NLN: variants seen among roughly 807,000 people sequenced by gnomAD.
The protein encoded by NLN is neurolysin, mitochondrial.
NLN carries 64 observed loss-of-function variants against 79.9 expected under a neutral mutation model. The ratio of observed to expected loss-of-function variants is 0.80; its 90% CI spans 0.65 to 0.99. The LOEUF (loss-of-function observed/expected upper bound fraction) is 0.99, where lower values mean the gene tolerates loss of function less well. Ranked by LOEUF, NLN falls within the 50% of genes least tolerant of loss-of-function variation. The pLI is 0.00. For synonymous variants in NLN, 267 were observed against 296.6 expected, an observed-to-expected ratio of 0.90 and a Z score of 1.02; for missense variants, 835 against 858.7, an observed-to-expected ratio of 0.97 and a Z score of 0.34.
intron 3 of NLN, among the ~76,000 whole-genome samples, chr5:65,775,712 C>G (rs1461723752): frequency 6.6e-6 from 1 of 152,136 alleles, no homozygotes; most frequent in Non-Finnish European, 1.5e-5. Flanking sequence ...GGGAACCAGC[C>G]CATAGCCCAG....
intron 8 of NLN, among the ~76,000 whole-genome samples, chr5:65,789,797 C>T (rs12658444): frequency 0.058 from 8,759 of 152,240 alleles, 428 homozygotes; most frequent in African/African-American, 0.13. Flanking sequence ...ATTAGATAAT[C>T]TGTCTGCCAA....
intron 1 of NLN, among the ~76,000 whole-genome samples, chr5:65,745,752 C>G (rs1758962708): frequency 6.6e-6 from 1 of 152,092 alleles, no homozygotes; most frequent in African/African-American, 2.4e-5. Context: ...GAACTTGATC[C>G]TGAAGTCACT....
At chr5:65,765,922 T>G (rs1021400594) in intron 3 of NLN, among the ~76,000 whole-genome samples, 7 of 152,230 alleles carry the variant, frequency 4.6e-5, no homozygotes, top group Non-Finnish European at 1.0e-4. Flanking sequence ...ATTTTCCACT[T>G]AAAATTAATA....
In NLN at chr5:65,811,099, GCGTGTTTA is replaced by G. The variant is rs201684651; in HGVS notation, c.1843+935_1843+942del. The stretch of plus-strand genomic sequence containing the variant: ...TGAGATTTATGGGACTCATGCATGG[GCGTGTTTA>G]TATTTGTATGTGTATGTTTTAAGCC... On this transcript the variant is annotated intron_variant, in intron 11 of 12. Coordinates refer to ENST00000380985, the MANE Select transcript of NLN (RefSeq NM_020726.5). Among the ~76,000 whole-genome samples the G allele has an allele frequency of 4.6e-4, 70 of 152,286 alleles. 1 individual carries two copies. In the East Asian group the frequency reaches 0.013, roughly 28 times the overall value.
intron 12 of NLN, among the ~76,000 whole-genome samples, chr5:65,821,770 C>A (rs559999250): frequency 7.0e-4 from 106 of 151,918 alleles, no homozygotes; most frequent in Non-Finnish European, 1.3e-3. Flanking sequence ...AAAGGTAACC[C>A]CAAAAGTTTG....
intron 1 of NLN, among the ~76,000 whole-genome samples, chr5:65,757,344 A>G (rs1221458972): frequency 6.6e-6 from 1 of 152,212 alleles, no homozygotes; most frequent in African/African-American, 2.4e-5. Flanking sequence ...TTCTGGATCC[A>G]TACTGCCTAG....
At chr5:65,806,092 A>G (rs1760404874) in intron 9 of NLN, among the ~76,000 whole-genome samples, 1 of 152,220 alleles carries the variant, frequency 6.6e-6, no homozygotes, top group African/African-American at 2.4e-5. Flanking sequence ...TCAAAAAAAA[A>G]AGATTCCTTT....
At position 65,763,150 on chromosome 5, in the gene NLN, A is replaced by G. The variant is rs755353787; in HGVS notation, c.450+42A>G. ...ATCCCTTTAAAGAGGGAAAAACTCT[A>G]CAACAAAAAAGAACATTCAGTCATA... On this transcript the variant is annotated intron_variant, in intron 3 of 12. Coordinates refer to ENST00000380985, the MANE Select transcript of NLN (RefSeq NM_020726.5). 4 of 1,545,706 alleles carry G rather than the reference A, an allele frequency of 2.6e-6. No individual in the cohort carries two copies. The Admixed American group carries it at 7.3e-5, about 28-fold the overall frequency.
chr5:65,772,344 A>C (rs749650483), intron 3 of NLN, among the ~76,000 whole-genome samples: 10 of 152,198 alleles, frequency 6.6e-5, no homozygotes, highest in Non-Finnish European at 1.0e-4. Flanking sequence ...GTAAATGTAA[A>C]TGTGTGTTGA....
intron 6 of NLN, among the ~76,000 whole-genome samples, chr5:65,782,616 C>T (rs1046781259): frequency 3.9e-5 from 6 of 152,296 alleles, no homozygotes; most frequent in South Asian, 4.1e-4. Context: ...TTCAGTAACT[C>T]GGAGTGACAG....
intron 9 of NLN, among the ~76,000 whole-genome samples, chr5:65,802,902 C>T (rs138650665): frequency 2.6e-5 from 4 of 152,104 alleles, no homozygotes; most frequent in African/African-American, 9.6e-5. Context: ...GTTTGTCCCA[C>T]CATCTTTTCA....
chr5:65,738,529 C>T (rs922853663), intron 1 of NLN, among the ~76,000 whole-genome samples: 12 of 151,914 alleles, frequency 7.9e-5, no homozygotes, highest in African/African-American at 1.7e-4. Context: ...GCCGTGATTG[C>T]GCCACTGCAC....
At chr5:65,747,902 G>A (rs1023545241) in intron 1 of NLN, among the ~76,000 whole-genome samples, 2 of 151,852 alleles carry the variant, frequency 1.3e-5, no homozygotes, top group Non-Finnish European at 2.9e-5. Flanking sequence ...AGTGGAGCCT[G>A]CCAAAGTACA....
intron 3 of NLN, among the ~76,000 whole-genome samples, chr5:65,763,986 T>C (rs1409322333): frequency 1.3e-5 from 2 of 152,184 alleles, no homozygotes; most frequent in Non-Finnish European, 2.9e-5. Flanking sequence ...AAAATAACTT[T>C]ATGATTATTC....
intron 1 of NLN, among the ~76,000 whole-genome samples, chr5:65,723,267 A>G (rs1193556895): frequency 1.3e-5 from 2 of 152,222 alleles, no homozygotes; most frequent in African/African-American, 4.8e-5. Flanking sequence ...TAAGCTTTCT[A>G]CAGTTCCCTT....
intron 8 of NLN, among the ~76,000 whole-genome samples, chr5:65,788,701 G>T (rs1233636412): frequency 6.6e-6 from 1 of 152,122 alleles, no homozygotes; most frequent in Non-Finnish European, 1.5e-5. Context: ...GTCAAGTGTG[G>T]TGGCTCATGC....
At chr5:65,736,640 AT>A (rs71798426) in intron 1 of NLN, among the ~76,000 whole-genome samples, 35,984 of 151,870 alleles carry the variant, frequency 0.24, 4,389 homozygotes, top group African/African-American at 0.27. Flanking sequence ...TTTTATATAT[AT>A]TTGCTGTGTT....
intron 9 of NLN, among the ~76,000 whole-genome samples, chr5:65,797,776 G>A (rs1760202165): frequency 1.3e-5 from 2 of 152,168 alleles, no homozygotes; most frequent in Non-Finnish European, 2.9e-5. Context: ...TAGAAAGGGG[G>A]TAAAAAAGAC....
At chr5:65,743,415 A>T (rs942005713) in intron 1 of NLN, among the ~76,000 whole-genome samples, 3 of 152,244 alleles carry the variant, frequency 2.0e-5, no homozygotes, top group Non-Finnish European at 2.9e-5. Context: ...CATTTAAGGA[A>T]CTTTCAGTTA....
Sources: allele counts gnomAD v4.1 joint callset (sites outside exome capture counted in the v4.1 genomes callset), GRCh38; gene constraint gnomAD v4.1.1; transcripts MANE v1.5; gene names NCBI Gene and HGNC (gene_info 2026-07-23, HGNC 2026-07-21).